Variants in LOC128125817 observed in about 807,000 individuals in gnomAD.
At chr1:41,611,657 C>A in the LOC128125817 span, among the ~76,000 whole-genome samples, 1 of 152,206 alleles carries the variant, frequency 6.6e-6, no homozygotes. Flanking sequence ...GCTCTAGCAG[C>A]CTTTAATCAA....
the LOC128125817 span, among the ~76,000 whole-genome samples, chr1:41,628,152 G>A: frequency 2.0e-5 from 3 of 152,162 alleles, no homozygotes; most frequent in East Asian, 5.8e-4. Flanking sequence ...ACTATTTCGG[G>A]AGCTGGGGCC....
At chr1:41,608,130 G>A in the LOC128125817 span, among the ~76,000 whole-genome samples, 4 of 152,198 alleles carry the variant, frequency 2.6e-5, no homozygotes, top group African/African-American at 4.8e-5. Flanking sequence ...AGGGCTTCCC[G>A]TGAGGTGTCT....
the LOC128125817 span, among the ~76,000 whole-genome samples, chr1:41,615,400 G>C: frequency 6.6e-6 from 1 of 152,192 alleles, no homozygotes; most frequent in Non-Finnish European, 1.5e-5. Flanking sequence ...CCCTCAGCCT[G>C]GCTTCCCCAT....
At chr1:41,619,308 C>T in the LOC128125817 span, among the ~76,000 whole-genome samples, 19 of 152,350 alleles carry the variant, frequency 1.2e-4, no homozygotes, top group African/African-American at 4.6e-4. Flanking sequence ...TGACAACCTG[C>T]CAGCCCCGTG....
chr1:41,626,500 G>T, the LOC128125817 span, among the ~76,000 whole-genome samples: 4 of 152,252 alleles, frequency 2.6e-5, no homozygotes, highest in Non-Finnish European at 4.4e-5. Flanking sequence ...GGCACGAAGC[G>T]GGGGGAGGGG....
the LOC128125817 span, among the ~76,000 whole-genome samples, chr1:41,595,624 T>C: frequency 2.0e-5 from 3 of 152,084 alleles, no homozygotes; most frequent in Admixed American, 2.0e-4. Context: ...CTTGATTGGA[T>C]TGAAGGATGA....
At chr1:41,595,049 C>G in the LOC128125817 span, among the ~76,000 whole-genome samples, 1 of 152,164 alleles carries the variant, frequency 6.6e-6, no homozygotes, top group Non-Finnish European at 1.5e-5. Context: ...TAGCCCTATT[C>G]CAAATCCACT....
the LOC128125817 span, among the ~76,000 whole-genome samples, chr1:41,616,836 C>T: frequency 6.6e-6 from 1 of 152,202 alleles, no homozygotes; most frequent in African/African-American, 2.4e-5. Flanking sequence ...TTCTAGGCTA[C>T]AGGCCAATAG....
chr1:41,617,949 T>G, the LOC128125817 span, among the ~76,000 whole-genome samples: 1 of 152,164 alleles, frequency 6.6e-6, no homozygotes, highest in African/African-American at 2.4e-5. Context: ...TCACATGTCA[T>G]TGGGTGTGTG....
chr1:41,594,120 C>T, the LOC128125817 span, among the ~76,000 whole-genome samples: 12,253 of 152,296 alleles, frequency 0.08, 1,241 homozygotes, highest in East Asian at 0.48. Context: ...TTATCTTTTG[C>T]CATAATGGGC....
the LOC128125817 span, among the ~76,000 whole-genome samples, chr1:41,602,007 A>AT: frequency 6.6e-6 from 1 of 151,838 alleles, no homozygotes; most frequent in South Asian, 2.1e-4. Flanking sequence ...TGCTCATGTG[A>AT]TTTTAAGTCT....
At chr1:41,610,995 C>A in the LOC128125817 span, among the ~76,000 whole-genome samples, 1 of 152,190 alleles carries the variant, frequency 6.6e-6, no homozygotes, top group Non-Finnish European at 1.5e-5. Flanking sequence ...TCTTGCAGTT[C>A]ATACAGGCTT....
At chr1:41,585,519 G>T in the LOC128125817 span, among the ~76,000 whole-genome samples, 1 of 152,018 alleles carries the variant, frequency 6.6e-6, no homozygotes, top group Non-Finnish European at 1.5e-5. Flanking sequence ...TTCCTCCCCC[G>T]CTCCCATGTC....
chr1:41,626,991 A>G, the LOC128125817 span, among the ~76,000 whole-genome samples: 3 of 152,192 alleles, frequency 2.0e-5, no homozygotes, highest in Non-Finnish European at 4.4e-5. Context: ...GGGCAACAGG[A>G]CCAGACTCAC....
chr1:41,607,599 T>A, the LOC128125817 span, among the ~76,000 whole-genome samples: 1 of 152,224 alleles, frequency 6.6e-6, no homozygotes, highest in Non-Finnish European at 1.5e-5. Flanking sequence ...CTTCCTTTTT[T>A]TTTTCTTTTT....
At chr1:41,605,108 TAA>T in the LOC128125817 span, among the ~76,000 whole-genome samples, 48 of 83,934 alleles carry the variant, frequency 5.7e-4, no homozygotes, top group East Asian at 1.2e-3. Flanking sequence ...CTGTCTCCAA[TAA>T]AAAAAAAAAA....
the LOC128125817 span, among the ~76,000 whole-genome samples, chr1:41,611,785 C>T: frequency 6.6e-6 from 1 of 152,216 alleles, no homozygotes; most frequent in Non-Finnish European, 1.5e-5. Flanking sequence ...TGCCTGATTC[C>T]ATATCGGAAA....
the LOC128125817 span, among the ~76,000 whole-genome samples, chr1:41,607,122 C>T: frequency 1.3e-5 from 2 of 152,152 alleles, no homozygotes; most frequent in East Asian, 3.9e-4. Flanking sequence ...CAAGCCTGGC[C>T]GTGTGTATTT....
the LOC128125817 span, among the ~76,000 whole-genome samples, chr1:41,617,049 C>G: frequency 6.6e-6 from 1 of 152,094 alleles, no homozygotes; most frequent in East Asian, 1.9e-4. Context: ...GTCTTCAGAC[C>G]CTGTGCTCCT....
Sources: gnomAD v4.1 joint callset for allele counts (sites outside exome capture counted in the v4.1 genomes callset) on GRCh38, gnomAD v4.1.1 for gene constraint, MANE v1.5 for transcripts.